Variants in PTPN14 observed in about 807,000 individuals in gnomAD.
The protein encoded by PTPN14 is tyrosine-protein phosphatase non-receptor type 14.
In PTPN14, 53 loss-of-function variants were observed where a neutral mutation model predicts 126.8. That is an observed-to-expected ratio of 0.42 (90% CI 0.34 to 0.53). The LOEUF is 0.53. PTPN14 is among the 20% of genes least tolerant of loss of function. The pLI is 0.08. For missense variants in PTPN14, 1,257 were observed against 1,552.9 expected (o/e 0.81, Z 3.20); for synonymous variants, 630 against 599.3 (o/e 1.05, Z -0.75).
chr1:214,465,848 T>C (rs1660621603), intron 1 of PTPN14, among the ~76,000 whole-genome samples: 1 of 142,364 alleles, frequency 7.0e-6, no homozygotes, highest in South Asian at 2.3e-4. Context: ...TCTTTACTCT[T>C]ATTAACATTA....
At chr1:214,363,984 G>C (rs1325835296) in intron 18 of PTPN14, among the ~76,000 whole-genome samples, 3 of 152,146 alleles carry the variant, frequency 2.0e-5, no homozygotes, top group Non-Finnish European at 4.4e-5. Flanking sequence ...GGGGATGTTT[G>C]CGTGCTCAAA....
chr1:214,468,437 T>C (rs1660687453), intron 1 of PTPN14, among the ~76,000 whole-genome samples: 1 of 152,096 alleles, frequency 6.6e-6, no homozygotes, highest in Non-Finnish European at 1.5e-5. Flanking sequence ...GTGCCTGTAA[T>C]CCCAGCTACT....
At chr1:214,361,757 A>G (rs1571949820) in intron 18 of PTPN14, among the ~76,000 whole-genome samples, 1 of 151,990 alleles carries the variant, frequency 6.6e-6, no homozygotes, top group African/African-American at 2.4e-5. Flanking sequence ...TTTCTGAAAA[A>G]CTCTATGCAC....
At chr1:214,421,923 C>G (rs1294600992) in intron 3 of PTPN14, among the ~76,000 whole-genome samples, 1 of 152,172 alleles carries the variant, frequency 6.6e-6, no homozygotes, top group Admixed American at 6.5e-5. Flanking sequence ...TGAACCCTTT[C>G]ACATCCGCCA....
intron 1 of PTPN14, among the ~76,000 whole-genome samples, chr1:214,474,280 G>A (rs1290446022): frequency 6.6e-6 from 1 of 152,192 alleles, no homozygotes; most frequent in African/African-American, 2.4e-5. Context: ...CCTTTGAGCA[G>A]TTGAGTATCA....
chr1:214,464,691 G>A lies in PTPN14; in HGVS notation c.113C>T (p.Ser38Leu). The change falls in exon 2 of 19, where the codon TCG becomes TTG. Residue 38 changes from serine (S) to leucine (L), a missense_variant. Physicochemically the swap from Ser to Leu is moderately radical, Grantham distance 145 (BLOSUM62 -2). Coordinates refer to ENST00000366956, the MANE Select transcript of PTPN14 (RefSeq NM_005401.5). ...LDSNVIECTL[S>L]VESTGQECLE... The stretch of plus-strand genomic sequence containing the variant: ...GCATTCTTGCCCTGTGCTTTCCACC[G>A]ACAGCGTGCACTCGATAACATTGCT... The A allele has an allele frequency of 6.2e-7, 1 of 1,614,258 alleles. No homozygotes were observed. Among genetic ancestry groups the A allele is most frequent in the East Asian group, 2.2e-5 (1 of 44,888 alleles).
chr1:214,536,941 T>C (rs1250231790), intron 1 of PTPN14, among the ~76,000 whole-genome samples: 2 of 152,208 alleles, frequency 1.3e-5, no homozygotes, highest in South Asian at 4.1e-4. Flanking sequence ...TGGCTAAGTT[T>C]ATACCAATTT....
intron 2 of PTPN14, among the ~76,000 whole-genome samples, chr1:214,456,659 T>G (rs1182937218): frequency 6.6e-6 from 1 of 152,080 alleles, no homozygotes; most frequent in African/African-American, 2.4e-5. Flanking sequence ...GAAAAACCAC[T>G]CTTCTGAGAC....
intron 16 of PTPN14, chr1:214,372,485 C>A: frequency 1.7e-6 from 1 of 580,058 alleles, no homozygotes; most frequent in Admixed American, 3.4e-5. Context: ...GAGTTAAAAG[C>A]CAGATGAAAA....
intron 7 of PTPN14, 23 bp from the exon 8 acceptor site, chr1:214,398,024 A>G: frequency 6.5e-7 from 1 of 1,542,960 alleles, no homozygotes; most frequent in Non-Finnish European, 9.0e-7. Flanking sequence ...AACAAAAGAT[A>G]CTTGTGATGA....
At chr1:214,427,276 C>CAAAAAA (rs5741915) in intron 3 of PTPN14, among the ~76,000 whole-genome samples, 7 of 65,182 alleles carry the variant, frequency 1.1e-4, no homozygotes, top group Admixed American at 2.1e-4. Context: ...GTCTCCATCT[C>CAAAAAA]AAAAAAAAAA....
At chr1:214,403,263 A>G (rs1270403390) in intron 5 of PTPN14, among the ~76,000 whole-genome samples, 1 of 152,184 alleles carries the variant, frequency 6.6e-6, no homozygotes, top group East Asian at 1.9e-4. Context: ...ATGTACGTTT[A>G]TAAAAAATGC....
rs1235189213 is a variant in PTPN14 at position 214,355,124 on chromosome 1, C to T, written c.*2798G>A. 6.6e-6 allele frequency: 1 copy of T among 152,190 alleles called. No individual in the cohort carries two copies. 9.4% of individuals were successfully genotyped at this position (152,190 alleles called of 1,614,324 possible). A position where few individuals can be genotyped will look rare whatever the true frequency, so the allele number is the denominator to read the frequency against. ...ATGTGGAACAACTCTTAAATGTTTT[C>T]TTTTGGGTTTCAATATAAACTTTGG... On this transcript the variant is annotated 3_prime_UTR_variant, in exon 19 of 19. Coordinates refer to ENST00000366956, the MANE Select transcript of PTPN14 (RefSeq NM_005401.5).
chr1:214,466,180 T>C (rs2102654778), intron 1 of PTPN14, among the ~76,000 whole-genome samples: 2 of 152,030 alleles, frequency 1.3e-5, no homozygotes, highest in African/African-American at 4.8e-5. Flanking sequence ...CAGGCTGGTC[T>C]TGAACTCCTG....
intron 8 of PTPN14, among the ~76,000 whole-genome samples, chr1:214,395,516 G>A (rs1658856325): frequency 6.6e-6 from 1 of 151,656 alleles, no homozygotes; most frequent in African/African-American, 2.4e-5. Context: ...TGGACTTAGT[G>A]TCAGCTCCAT....
rs1657742372 is a variant in PTPN14, at chr1:214,353,316, T to C, written c.*4606A>G. 6.6e-6 allele frequency: 1 copy of C among 152,246 alleles called. No homozygotes were observed. The allele number at this position is 152,246 out of a possible 1,614,324, so 9.4% of individuals were successfully genotyped here. ...AGATTATTTACAATACCTAACTCAA[T>C]GCCTACACATCACTTCATTTGTGTG... On this transcript the variant is annotated 3_prime_UTR_variant, in exon 19 of 19. Transcript: ENST00000366956.
chr1:214,427,042 G>A (rs912610445), intron 3 of PTPN14, among the ~76,000 whole-genome samples: 1 of 151,960 alleles, frequency 6.6e-6, no homozygotes, highest in Non-Finnish European at 1.5e-5. Flanking sequence ...GCACTTTGTG[G>A]GGCCGAGGCG....
rs150729019 is a variant in PTPN14, at chr1:214,363,928, C to T, written c.3435+584G>A. Reference sequence around the variant, plus strand: ...TGTGTGCACAGGCTCAGCAGCACCCCACTTCTGCAGGGAGAAGGGGTAGGG... The same window carrying T: ...TGTGTGCACAGGCTCAGCAGCACCCTACTTCTGCAGGGAGAAGGGGTAGGG... On this transcript the variant is annotated intron_variant, in intron 18 of 18. Coordinates refer to ENST00000366956, the MANE Select transcript of PTPN14 (RefSeq NM_005401.5). 2.0e-3 allele frequency among the ~76,000 whole-genome samples: 310 copies of T among 152,306 alleles called. 1 individual carries two copies. The highest frequency in any genetic ancestry group is 3.4e-3 in the Middle Eastern group (1 of 294).
chr1:214,411,182 A>T (rs980895196), intron 5 of PTPN14, among the ~76,000 whole-genome samples: 2 of 150,830 alleles, frequency 1.3e-5, no homozygotes, highest in African/African-American at 4.9e-5. Flanking sequence ...ACTCCTAGGT[A>T]TTTTTTTTTA....
Sources: allele counts gnomAD v4.1 joint callset (sites outside exome capture counted in the v4.1 genomes callset), GRCh38; gene constraint gnomAD v4.1.1; transcripts MANE v1.5; gene names NCBI Gene and HGNC (gene_info 2026-07-23, HGNC 2026-07-21).